Variants in NSUN6 observed in about 807,000 individuals in gnomAD.
The protein encoded by NSUN6 is NOP2/Sun RNA methyltransferase 6, also known as tRNA (cytosine(72)-C(5))-methyltransferase NSUN6.
In NSUN6, 64 loss-of-function variants were observed where a neutral mutation model predicts 58.0. That is an observed-to-expected ratio of 1.10 (90% confidence interval 0.90 to 1.36). NSUN6 has a LOEUF of 1.36. Among genes scored for constraint, NSUN6 ranks in the 40% most tolerant of loss-of-function variants. The pLI, the probability that NSUN6 is intolerant of heterozygous loss-of-function variation, is 0.00. For synonymous variants in NSUN6, 231 were observed against 193.9 expected (o/e 1.19, Z -1.59); for missense variants, 701 against 550.1 (o/e 1.27, Z -2.74).
At chr10:18,589,333 G>A (rs1315286861) in intron 7 of NSUN6, among the ~76,000 whole-genome samples, 1 of 152,116 alleles carries the variant, frequency 6.6e-6, no homozygotes, top group Non-Finnish European at 1.5e-5. Context: ...GGACCAAATT[G>A]GAAAACACAC....
At chr10:18,658,819 C>G (rs545792013), upstream of NSUN6, among the ~76,000 whole-genome samples, 2 of 152,244 alleles carry the variant, frequency 1.3e-5, no homozygotes, top group African/African-American at 4.8e-5. Context: ...CTGGGCAACA[C>G]AGCCCGACCT....
At chr10:18,620,313 T>A (rs932385152) in intron 3 of NSUN6, among the ~76,000 whole-genome samples, 3 of 152,092 alleles carry the variant, frequency 2.0e-5, no homozygotes, top group African/African-American at 7.2e-5. Flanking sequence ...AGTCTCGATC[T>A]CCTGACTTCG....
rs2054246288 is a variant in NSUN6 at position 18,546,160 on chromosome 10, T to C, written c.1198-15A>G. 1.3e-6 allele frequency: 2 copies of C among 1,503,784 alleles called. No homozygotes were observed. The highest frequency in any genetic ancestry group is 1.7e-5 in the Admixed American group (1 of 59,838). The allele number at this position is 1,503,784 out of a possible 1,614,324, so 93.2% of individuals were successfully genotyped here. A position where few individuals can be genotyped will look rare whatever the true frequency, so the allele number is the denominator to read the frequency against. ...ATCTGCGGTTCCTGTTTGGAGAAAG[T>C]GGATCAATATGGATGAACATCCTGT... On this transcript the variant is annotated splice_polypyrimidine_tract_variant and intron_variant, in intron 10 of 10. Transcript: ENST00000377304.
At chr10:18,637,424 C>T (rs1205135089) in intron 3 of NSUN6, among the ~76,000 whole-genome samples, 1 of 152,194 alleles carries the variant, frequency 6.6e-6, no homozygotes, top group African/African-American at 2.4e-5. Flanking sequence ...ATTAAAGCCA[C>T]ATAAAAGTAA....
intron 8 of NSUN6, among the ~76,000 whole-genome samples, chr10:18,564,883 C>T (rs1393999862): frequency 6.6e-6 from 1 of 150,492 alleles, no homozygotes; most frequent in Non-Finnish European, 1.5e-5. Context: ...GTCTCCATTC[C>T]ATTCCATTTC....
chr10:18,622,879 G>C (rs1253087115), intron 3 of NSUN6, among the ~76,000 whole-genome samples: 1 of 152,158 alleles, frequency 6.6e-6, no homozygotes, highest in Non-Finnish European at 1.5e-5. Context: ...AAAGGGAGGA[G>C]CATTAATTGA....
intron 3 of NSUN6, among the ~76,000 whole-genome samples, chr10:18,620,400 A>G (rs544120955): frequency 5.3e-5 from 8 of 152,114 alleles, no homozygotes; most frequent in Non-Finnish European, 1.2e-4. Flanking sequence ...AAAATTCTTT[A>G]GCTTCTTAAG....
upstream of NSUN6, among the ~76,000 whole-genome samples, chr10:18,656,885 T>C (rs1013146819): frequency 7.0e-6 from 1 of 142,180 alleles, no homozygotes; most frequent in Non-Finnish European, 1.5e-5. Flanking sequence ...GGAGTCCAGA[T>C]GCACGATCTT....
chr10:18,575,682 G>A (rs1282957805), intron 8 of NSUN6, among the ~76,000 whole-genome samples: 2 of 152,114 alleles, frequency 1.3e-5, no homozygotes, highest in Non-Finnish European at 2.9e-5. Flanking sequence ...GATTGCCATG[G>A]ACCAAGTGTC....
upstream of NSUN6, chr10:18,651,924 C>T (rs954918950): frequency 3.0e-6 from 3 of 985,322 alleles, no homozygotes; most frequent in African/African-American, 3.5e-5. Flanking sequence ...AGGCACAGCC[C>T]AGTTGCTGTC....
At chr10:18,619,925 G>C (rs926518124) in intron 3 of NSUN6, among the ~76,000 whole-genome samples, 1 of 151,712 alleles carries the variant, frequency 6.6e-6, no homozygotes, top group South Asian at 2.1e-4. Flanking sequence ...TTTTTACTAT[G>C]TGCGATGCAA....
At position 18,644,835 on chromosome 10, in the gene NSUN6, G is replaced by A. The variant is rs1354678929; in HGVS notation, c.232-2280C>T. On this transcript the variant is annotated intron_variant, in intron 2 of 10. Coordinates refer to ENST00000377304, the MANE Select transcript of NSUN6 (RefSeq NM_182543.5). ...AGCCTGGGCGACAGAGCGAGACTCC[G>A]TCTCAAAAAAAAAACAAAAAAAAAA... Among the ~76,000 whole-genome samples the A allele has an allele frequency of 1.2e-3, 146 of 125,188 alleles. 1 individual carries two copies. Among genetic ancestry groups the A allele is most frequent in the African/African-American group, 4.2e-3 (138 of 32,838 alleles). 82.1% of individuals were successfully genotyped at this position (125,188 alleles called of 152,430 possible). A position where few individuals can be genotyped will look rare whatever the true frequency, so the allele number is the denominator to read the frequency against.
At chr10:18,643,861 T>A (rs1274095914) in intron 2 of NSUN6, among the ~76,000 whole-genome samples, 1 of 152,210 alleles carries the variant, frequency 6.6e-6, no homozygotes, top group Admixed American at 6.5e-5. Flanking sequence ...CCAAAGGTCA[T>A]TGTCTCTCCC....
At position 18,623,419 on chromosome 10, in the gene NSUN6, G is replaced by C. The variant is rs150102944; in HGVS notation, c.312-7126C>G. Among the ~76,000 whole-genome samples, 173 of 152,278 alleles carry C rather than the reference G, an allele frequency of 1.1e-3. 2 individuals carry two copies. Among genetic ancestry groups the C allele is most frequent in the African/African-American group, 3.9e-3 (161 of 41,562 alleles). Reference sequence around the variant, plus strand: ...ACTAAGAAACAGCTATAATTGCGATGATGAGAAAAAATTGGCTGACAGTGA... The same window carrying C: ...ACTAAGAAACAGCTATAATTGCGATCATGAGAAAAAATTGGCTGACAGTGA... On this transcript the variant is annotated intron_variant, in intron 3 of 10. Coordinates refer to ENST00000377304, the MANE Select transcript of NSUN6 (RefSeq NM_182543.5).
intron 8 of NSUN6, among the ~76,000 whole-genome samples, chr10:18,553,813 A>C (rs1353992545): frequency 6.6e-6 from 1 of 151,714 alleles, no homozygotes; most frequent in Non-Finnish European, 1.5e-5. Flanking sequence ...AATGGAATGC[A>C]ATGGAGAATA....
intron 3 of NSUN6, among the ~76,000 whole-genome samples, chr10:18,618,168 G>C (rs1038781835): frequency 3.3e-5 from 5 of 152,182 alleles, no homozygotes; most frequent in Non-Finnish European, 5.9e-5. Flanking sequence ...TGTGATTACT[G>C]AAATAGCTTC....
intron 3 of NSUN6, among the ~76,000 whole-genome samples, chr10:18,635,082 T>C (rs2059168258): frequency 6.6e-6 from 1 of 152,186 alleles, no homozygotes; most frequent in African/African-American, 2.4e-5. Flanking sequence ...GGGATTTTGG[T>C]ATGTGCTACG....
intron 10 of NSUN6, among the ~76,000 whole-genome samples, 188 bp from the exon 11 acceptor site, chr10:18,546,333 T>C (rs186945053): frequency 1.4e-4 from 22 of 152,290 alleles, no homozygotes; most frequent in African/African-American, 5.3e-4. Flanking sequence ...AGGAAAGCAA[T>C]ACTATGCGTC....
At chr10:18,616,632 C>A (rs2058420601) in intron 3 of NSUN6, among the ~76,000 whole-genome samples, 1 of 152,124 alleles carries the variant, frequency 6.6e-6, no homozygotes, top group African/African-American at 2.4e-5. Context: ...TAGAAAAATA[C>A]ACAAGGAATT....
Sources: gnomAD v4.1 joint callset for allele counts (sites outside exome capture counted in the v4.1 genomes callset) on GRCh38, gnomAD v4.1.1 for gene constraint, MANE v1.5 for transcripts, NCBI Gene and HGNC (gene_info 2026-07-23, HGNC 2026-07-21) for gene names.